MYO1E: variants seen among roughly 807,000 people sequenced by gnomAD.
The protein encoded by MYO1E is myosin IE.
MYO1E carries 68 observed loss-of-function variants against 151.1 expected under a neutral mutation model. The observed-to-expected ratio is 0.45, with a 90% confidence interval of 0.37 to 0.55. The LOEUF (loss-of-function observed/expected upper bound fraction) is 0.55, where lower values mean the gene tolerates loss of function less well. Among genes scored for constraint, MYO1E ranks in the 20% least tolerant of loss-of-function variants. The pLI, the probability that MYO1E is intolerant of heterozygous loss-of-function variation, is 0.00. For missense variants in MYO1E, 1,363 were observed against 1,389.3 expected (o/e 0.98, Z 0.30); for synonymous variants, 601 against 501.7 (o/e 1.20, Z -2.64).
intron 23 of MYO1E, 109 bp downstream of exon 23, chr15:59,163,048 C>G: frequency 7.7e-7 from 1 of 1,299,554 alleles, no homozygotes; most frequent in Non-Finnish European, 1.1e-6. Context: ...CAGCCAGACC[C>G]CACTCTTCTC....
intron 18 of MYO1E, among the ~76,000 whole-genome samples, chr15:59,179,740 CT>C (rs2079647114): frequency 6.6e-6 from 1 of 152,216 alleles, no homozygotes; most frequent in African/African-American, 2.4e-5. Context: ...TTAAATATTT[CT>C]TTTAAAGATT....
At chr15:59,138,164 G>T in intron 27 of MYO1E, 34 bp downstream of exon 27, 1 of 1,609,430 alleles carries the variant, frequency 6.2e-7, no homozygotes, top group Non-Finnish European at 8.5e-7. Context: ...ATGCTCTTTG[G>T]GAGGCTGTCC....
At chr15:59,166,844 G>C (rs1448207399) in intron 22 of MYO1E, among the ~76,000 whole-genome samples, 2 of 152,168 alleles carry the variant, frequency 1.3e-5, no homozygotes, top group African/African-American at 4.8e-5. Context: ...CAGATGCAAA[G>C]ACCCACTCTC....
chr15:59,140,690 T>G (rs2079403736), intron 26 of MYO1E, among the ~76,000 whole-genome samples: 1 of 152,192 alleles, frequency 6.6e-6, no homozygotes, highest in African/African-American at 2.4e-5. Flanking sequence ...CCAGGTCCTG[T>G]GATGACAGAT....
chr15:59,204,411 A>G (rs1250979107), intron 15 of MYO1E, among the ~76,000 whole-genome samples: 1 of 152,182 alleles, frequency 6.6e-6, no homozygotes, highest in Non-Finnish European at 1.5e-5. Flanking sequence ...TTGATCAGAG[A>G]AGCTGGCCTT....
chr15:59,156,467 G>A (rs2079510311), intron 25 of MYO1E, among the ~76,000 whole-genome samples: 1 of 152,208 alleles, frequency 6.6e-6, no homozygotes, highest in Admixed American at 6.5e-5. Flanking sequence ...TTATAGGCAT[G>A]AGCCACTGCG....
chr15:59,314,890 A>T (rs143217159), intron 1 of MYO1E, among the ~76,000 whole-genome samples: 1 of 152,298 alleles, frequency 6.6e-6, no homozygotes, highest in Non-Finnish European at 1.5e-5. Flanking sequence ...ATCTAGCTCC[A>T]GCCAATTGTT....
rs10717159 is a variant in MYO1E at position 59,324,663 on chromosome 15, G to GCCCCC, written c.3+47830_3+47834dup. On this transcript the variant is annotated intron_variant, in intron 1 of 27. Transcript: ENST00000288235. ...CTCGCCGTATTTATCCCCATCCCAA[G>GCCCCC]CCCCCCCCCCACAGAGGGCAGCATA... is the stretch of plus-strand genomic sequence containing the variant. Among the ~76,000 whole-genome samples, 330 of 147,892 alleles carry GCCCCC rather than the reference G, an allele frequency of 2.2e-3. 3 individuals carry two copies. Among genetic ancestry groups the GCCCCC allele is most frequent in the African/African-American group, 6.0e-3 (236 of 39,310 alleles).
rs2079639365 is a variant in MYO1E, at chr15:59,178,543, G to C, written c.1905-6C>G. 1 of 1,613,702 alleles carries C rather than the reference G, an allele frequency of 6.2e-7. No homozygotes were observed. Among genetic ancestry groups the C allele is most frequent in the Admixed American group, 1.7e-5 (1 of 59,998 alleles). On this transcript the variant is annotated splice_polypyrimidine_tract_variant and splice_region_variant and intron_variant, in intron 18 of 27. Coordinates refer to ENST00000288235, the MANE Select transcript of MYO1E (RefSeq NM_004998.4). Reference sequence around the variant, plus strand: ...CTTTGGTCAGAATGGCATACCTGTGGGGACATTGGGGAGAAGAGAATCACA... The same window carrying C: ...CTTTGGTCAGAATGGCATACCTGTGCGGACATTGGGGAGAAGAGAATCACA...
chr15:59,348,471 A>T (rs1221525906), intron 1 of MYO1E, among the ~76,000 whole-genome samples: 1 of 152,122 alleles, frequency 6.6e-6, no homozygotes, highest in Admixed American at 6.5e-5. Flanking sequence ...TTTAGGAACC[A>T]TCCAGGAAGC....
chr15:59,368,570 C>A (rs577491153), intron 1 of MYO1E, among the ~76,000 whole-genome samples: 1 of 152,122 alleles, frequency 6.6e-6, no homozygotes, highest in South Asian at 2.1e-4. Context: ...ATAGTGGAAC[C>A]CCGTCTCCAC....
chr15:59,151,037 A>G (rs1272400589), intron 26 of MYO1E, among the ~76,000 whole-genome samples: 1 of 122,728 alleles, frequency 8.1e-6, no homozygotes, highest in African/African-American at 4.8e-5. Context: ...ACACACACAC[A>G]CACACACACA....
At chr15:59,284,389 A>C (rs1416733680) in intron 1 of MYO1E, among the ~76,000 whole-genome samples, 1 of 152,232 alleles carries the variant, frequency 6.6e-6, no homozygotes, top group Non-Finnish European at 1.5e-5. Flanking sequence ...CCTTCTCTTA[A>C]CCATGTAAGT....
chr15:59,147,772 G>A (rs1490321680), intron 26 of MYO1E, among the ~76,000 whole-genome samples: 3 of 151,972 alleles, frequency 2.0e-5, no homozygotes, highest in Non-Finnish European at 2.9e-5. Flanking sequence ...CTGTGCCCAC[G>A]GAGAACAGGC....
At chr15:59,327,782 G>T (rs964346031) in intron 1 of MYO1E, among the ~76,000 whole-genome samples, 1 of 152,244 alleles carries the variant, frequency 6.6e-6, no homozygotes, top group African/African-American at 2.4e-5. Flanking sequence ...TGTCAGATTC[G>T]ATGTATTTTT....
At chr15:59,157,901 C>T (rs1398997210) in intron 25 of MYO1E, among the ~76,000 whole-genome samples, 1 of 152,158 alleles carries the variant, frequency 6.6e-6, no homozygotes, top group Non-Finnish European at 1.5e-5. Context: ...TGGTATTTGG[C>T]CGGAGCTGGG....
intron 3 of MYO1E, 45 bp from the exon 4 acceptor site, chr15:59,256,423 TA>T: frequency 8.5e-7 from 1 of 1,172,760 alleles, no homozygotes; most frequent in Non-Finnish European, 1.2e-6. Flanking sequence ...AATAAAAATT[TA>T]AAAATAAAAA....
intron 19 of MYO1E, among the ~76,000 whole-genome samples, chr15:59,175,425 G>C (rs1305085902): frequency 6.6e-6 from 1 of 152,140 alleles, no homozygotes; most frequent in African/African-American, 2.4e-5. Flanking sequence ...CTGTTTATCC[G>C]GGTGCATGCT....
At chr15:59,286,271 C>T (rs536641636) in intron 1 of MYO1E, among the ~76,000 whole-genome samples, 1 of 152,318 alleles carries the variant, frequency 6.6e-6, no homozygotes, top group South Asian at 2.1e-4. Context: ...ATTTATAAGT[C>T]ATGCAAAATG....
Sources: gnomAD v4.1 joint callset for allele counts (sites outside exome capture counted in the v4.1 genomes callset) on GRCh38, gnomAD v4.1.1 for gene constraint, MANE v1.5 for transcripts, NCBI Gene and HGNC (gene_info 2026-07-23, HGNC 2026-07-21) for gene names.